TNFSF9: variants seen among roughly 807,000 people sequenced by gnomAD.
The protein encoded by TNFSF9 is tumor necrosis factor ligand superfamily member 9.
Under a neutral mutation model 10.3 loss-of-function variants are expected in TNFSF9, and 10 were observed. That is an observed-to-expected ratio of 0.97 (90% CI 0.60 to 1.65). The LOEUF (loss-of-function observed/expected upper bound fraction) is 1.65. Among genes scored for constraint, TNFSF9 ranks in the 40% most tolerant of loss-of-function variants. The pLI is 0.00. For synonymous variants in TNFSF9, 195 were observed against 176.1 expected (o/e 1.11, Z -0.85); for missense variants, 361 against 348.9 (o/e 1.03, Z -0.28).
At chr19:6,532,384 CGTGTGG>C (rs1158192416) in intron 1 of TNFSF9, among the ~76,000 whole-genome samples, 10 of 129,232 alleles carry the variant, frequency 7.7e-5, no homozygotes, top group African/African-American at 3.1e-4. Flanking sequence ...TGTTTGTGTT[CGTGTGG>C]GTGTGTGTTC....
rs746233580 is a variant in TNFSF9 at position 6,534,872 on chromosome 19, G to C, written c.571G>C (p.Glu191Gln). 2 of 1,607,350 alleles carry C rather than the reference G, an allele frequency of 1.2e-6. No homozygotes were observed. The highest frequency in any genetic ancestry group is 2.2e-5 in the East Asian group (1 of 44,826). Residue 191 changes from glutamate (E) to glutamine (Q), a missense_variant, in exon 3 of 3, where the codon GAG becomes CAG. By Grantham distance (29) the Glu-to-Gln change is conservative. Transcript: ENST00000245817. ...LTVDLPPASS[E>Q]ARNSAFGFQG... ...CGTGGACCTGCCACCCGCCTCCTCC[G>C]AGGCTCGGAACTCGGCCTTCGGTTT...
chr19:6,535,058 T>C lies in TNFSF9; in HGVS notation c.757T>C (p.Ser253Pro). ...CCCAGCCGGACTCCCTTCACCGAGG[T>C]CGGAATAACGTCCAGCCTGGGTGCA... ...EIPAGLPSPRSE is the reference protein window; with the variant it reads ...EIPAGLPSPRPE Residue 253 changes from serine to proline, a missense_variant, in exon 3 of 3, where the codon TCG becomes CCG. Transcript: ENST00000245817. 6.4e-7 allele frequency: 1 copy of C among 1,558,864 alleles called. No individual in the cohort carries two copies. The highest frequency in any genetic ancestry group is 8.7e-7 in the Non-Finnish European group (1 of 1,150,606).
intron 1 of TNFSF9, among the ~76,000 whole-genome samples, chr19:6,532,266 C>CGT (rs3043218): frequency 0.049 from 6,793 of 139,826 alleles, 164 homozygotes; most frequent in East Asian, 0.057. Context: ...CCACCAGCTT[C>CGT]GTGTGTGTGT....
At chr19:6,534,562 A>T (rs757057227) in intron 2 of TNFSF9, 38 bp from the exon 3 acceptor site, 4 of 1,519,378 alleles carry the variant, frequency 2.6e-6, no homozygotes, top group South Asian at 2.5e-5. Flanking sequence ...GTGCTGGGAC[A>T]TGCTCAGCTA....
rs1380264678 is a variant in TNFSF9, at chr19:6,534,584, T to C, written c.299-16T>C. ...GACATGCTCAGCTAAGCTAAGTGCATGCTTTCCTCCCACAGTTCTGCTGAT... is the reference window on the plus strand; with the variant it reads ...GACATGCTCAGCTAAGCTAAGTGCACGCTTTCCTCCCACAGTTCTGCTGAT... On this transcript the variant is annotated splice_polypyrimidine_tract_variant and intron_variant, in intron 2 of 2. Transcript: ENST00000245817. 6 of 1,552,610 alleles carry C rather than the reference T, an allele frequency of 3.9e-6. No homozygotes were observed. Among genetic ancestry groups the C allele is most frequent in the Non-Finnish European group, 5.2e-6 (6 of 1,148,964 alleles).
chr19:6,535,918 T>C lies in TNFSF9; in HGVS notation c.*852T>C, dbSNP rs979196777. On this transcript the variant is annotated 3_prime_UTR_variant, in exon 3 of 3. Coordinates refer to ENST00000245817, the MANE Select transcript of TNFSF9 (RefSeq NM_003811.4). ...ACAATTTATAATAAACACTCATTTT[T>C]CCTCCCTCTGGAGAGTTGGTTGTTA... is the stretch of plus-strand genomic sequence containing the variant. 2.0e-5 allele frequency: 3 copies of C among 152,180 alleles called. No individual in the cohort carries two copies. Among genetic ancestry groups the C allele is most frequent in the African/African-American group, 7.2e-5 (3 of 41,434 alleles). 9.4% of individuals were successfully genotyped at this position (152,180 alleles called of 1,614,324 possible). A position where few individuals can be genotyped will look rare whatever the true frequency, so the allele number is the denominator to read the frequency against.
At chr19:6,531,964 G>C (rs944269459) in intron 1 of TNFSF9, among the ~76,000 whole-genome samples, 2 of 152,094 alleles carry the variant, frequency 1.3e-5, no homozygotes, top group Non-Finnish European at 2.9e-5. Flanking sequence ...TCTCTATGTA[G>C]GACTTAGGAC....
chr19:6,534,614 G>C lies in TNFSF9; in HGVS notation c.313G>C (p.Gly105Arg). 6.4e-7 allele frequency: 1 copy of C among 1,573,752 alleles called. No homozygotes were observed. The highest frequency in any genetic ancestry group is 1.2e-5 in the South Asian group (1 of 85,824). ...LVAQNVLLID[G>R]PLSWYSDPGL... ...TCCTCCCACAGTTCTGCTGATCGAT[G>C]GGCCCCTGAGCTGGTACAGTGACCC... is the stretch of plus-strand genomic sequence containing the variant. Residue 105 changes from glycine to arginine, a missense_variant, in exon 3 of 3, where the codon GGG (glycine) becomes CGG (arginine). Transcript: ENST00000245817.
chr19:6,532,291 G>A (rs1442439208), intron 1 of TNFSF9, among the ~76,000 whole-genome samples: 1 of 142,938 alleles, frequency 7.0e-6, no homozygotes, highest in Non-Finnish European at 1.5e-5. Context: ...GTGTGTGTGT[G>A]TGTGTGTTCG....
intron 1 of TNFSF9, among the ~76,000 whole-genome samples, chr19:6,531,679 C>T (rs1406797898): frequency 6.6e-6 from 1 of 151,718 alleles, no homozygotes; most frequent in Non-Finnish European, 1.5e-5. Flanking sequence ...CTTTTTGGAC[C>T]TCCAAGGGCT....
intron 2 of TNFSF9, 108 bp from the exon 3 acceptor site, chr19:6,534,492 T>A: frequency 1.1e-3 from 436 of 383,624 alleles, no homozygotes; most frequent in Middle Eastern, 2.3e-3. Context: ...CCCCGGCCCC[T>A]GACCCGTTCT....
At chr19:6,532,296 T>TGTGTGTGTGTGTTC (rs368974339) in intron 1 of TNFSF9, among the ~76,000 whole-genome samples, 2,352 of 145,906 alleles carry the variant, frequency 0.016, 31 homozygotes, top group South Asian at 0.041. Context: ...TGTGTGTGTG[T>TGTGTGTGTGTGTTC]GTTCGTGTTT....
intron 1 of TNFSF9, 97 bp from the exon 2 acceptor site, chr19:6,532,689 C>T (rs1599428918): frequency 6.3e-7 from 1 of 1,574,858 alleles, no homozygotes. Flanking sequence ...CAGGTCGGCA[C>T]AGACTCTGGG....
chr19:6,534,517 G>T, intron 2 of TNFSF9, 83 bp from the exon 3 acceptor site: 1 of 1,357,122 alleles, frequency 7.4e-7, no homozygotes, highest in Non-Finnish European at 9.9e-7. Flanking sequence ...TCCCAGGGCT[G>T]CGCTGACATG....
At position 6,535,273 on chromosome 19, in the gene TNFSF9, ATATAT is replaced by A. The variant is rs1220359577; in HGVS notation, c.*213_*217del. On this transcript the variant is annotated 3_prime_UTR_variant, in exon 3 of 3. Coordinates refer to ENST00000245817, the MANE Select transcript of TNFSF9 (RefSeq NM_003811.4). Reference sequence around the variant, plus strand: ...TTTATTCTGAGCCTGAGCTCAGATAATATATTATATATATTATATATATATATATA... The same window carrying A: ...TTTATTCTGAGCCTGAGCTCAGATAATATATATATTATATATATATATATA... 6.4e-6 allele frequency: 1 copy of A among 156,372 alleles called. No individual in the cohort carries two copies. The highest frequency in any genetic ancestry group is 6.7e-5 in the Admixed American group (1 of 14,984). The allele number at this position is 156,372 out of a possible 1,614,324, so 9.7% of individuals were successfully genotyped here.
chr19:6,531,174 C>T lies in TNFSF9; in HGVS notation c.138C>T (p.Ala46=), dbSNP rs1307877955. The change falls in exon 1 of 3, where the codon GCC becomes GCT. Residue 46 remains alanine (A), a synonymous_variant. Coordinates refer to ENST00000245817, the MANE Select transcript of TNFSF9 (RefSeq NM_003811.4). ...LLLLLLAAAC[A]VFLACPWAVS... ...TGCTGCTGCTCGCTGCCGCCTGCGC[C>T]GTCTTCCTCGCCTGCCCCTGGGCCG... The T allele has an allele frequency of 1.1e-5, 17 of 1,590,826 alleles. No homozygotes were observed. The highest frequency in any genetic ancestry group is 1.4e-5 in the African/African-American group (1 of 73,428).
At chr19:6,532,523 G>A (rs116068506) in intron 1 of TNFSF9, among the ~76,000 whole-genome samples, 2,702 of 150,984 alleles carry the variant, frequency 0.018, 35 homozygotes, top group African/African-American at 0.029. Context: ...TTGTGTTTGC[G>A]TTCGTGTGTG....
At chr19:6,533,651 T>C (rs7507532) in intron 2 of TNFSF9, among the ~76,000 whole-genome samples, 12 of 300 alleles carry the variant, frequency 0.04, no homozygotes, top group South Asian at 0.33. Context: ...TTCCCCTCCC[T>C]CTCCAGAGAC....
In TNFSF9 at chr19:6,535,221, A is replaced by C; in HGVS notation, c.*155A>C. 1 of 603,322 alleles carries C rather than the reference A, an allele frequency of 1.7e-6. No homozygotes were observed. Among genetic ancestry groups the C allele is most frequent in the South Asian group, 3.5e-5 (1 of 28,528 alleles). 37.4% of individuals were successfully genotyped at this position (603,322 alleles called of 1,614,324 possible). A position where few individuals can be genotyped will look rare whatever the true frequency, so the allele number is the denominator to read the frequency against. On this transcript the variant is annotated 3_prime_UTR_variant, in exon 3 of 3. Coordinates refer to ENST00000245817, the MANE Select transcript of TNFSF9 (RefSeq NM_003811.4). The stretch of plus-strand genomic sequence containing the variant: ...CTCCCCTTGAGGACCCTCCTCACCC[A>C]CTCCTTCCCCAAGTTGGACCTTGAT...
Sources: allele counts gnomAD v4.1 joint callset (sites outside exome capture counted in the v4.1 genomes callset), GRCh38; gene constraint gnomAD v4.1.1; transcripts MANE v1.5; gene names NCBI Gene and HGNC (gene_info 2026-07-23, HGNC 2026-07-21).